CAPN7: variants seen among roughly 807,000 people sequenced by gnomAD.
CAPN7 encodes the protein calpain-7.
In CAPN7, 72 loss-of-function variants were observed where a neutral mutation model predicts 115.2. The observed-to-expected ratio is 0.63, with a 90% CI of 0.52 to 0.76. CAPN7 has a LOEUF of 0.76. Ranked by LOEUF, CAPN7 falls within the 30% of genes least tolerant of loss-of-function variation. CAPN7 has a pLI of 0.00. For missense variants in CAPN7, 905 were observed against 971.5 expected, an observed-to-expected ratio of 0.93 and a Z score of 0.91; for synonymous variants, 344 against 322.3, an observed-to-expected ratio of 1.07 and a Z score of -0.72.
At chr3:15,220,056 C>T (rs113347980) in intron 4 of CAPN7, among the ~76,000 whole-genome samples, 7,409 of 152,118 alleles carry the variant, frequency 0.049, 621 homozygotes, top group African/African-American at 0.17. Flanking sequence ...CAAAAATTAG[C>T]CAGGCGTGGT....
intron 15 of CAPN7, 79 bp downstream of exon 15, chr3:15,241,667 C>A: frequency 8.2e-7 from 1 of 1,221,546 alleles, no homozygotes; most frequent in Non-Finnish European, 1.1e-6. Context: ...CATACGTAAA[C>A]ACCAGCCTGT....
intron 3 of CAPN7, among the ~76,000 whole-genome samples, chr3:15,218,226 A>G (rs964612770): frequency 6.6e-5 from 10 of 152,178 alleles, no homozygotes; most frequent in Admixed American, 1.3e-4. Flanking sequence ...GTTCCACAGC[A>G]CTATGGTCAA....
chr3:15,235,302 A>G (rs914949516), intron 12 of CAPN7, among the ~76,000 whole-genome samples, 157 bp downstream of exon 12: 1 of 152,228 alleles, frequency 6.6e-6, no homozygotes, highest in African/African-American at 2.4e-5. Flanking sequence ...ACCGTTGAAA[A>G]TTATGAAATT....
rs996457752 is a variant in CAPN7, at chr3:15,218,038, A to G, written c.370-435A>G. Among the ~76,000 whole-genome samples the G allele has an allele frequency of 4.6e-5, 7 of 152,208 alleles. 1 individual carries two copies. The highest frequency in any genetic ancestry group is 1.7e-4 in the African/African-American group (7 of 41,454). ...CTTAGCTTCAAGGGACATCTAGTGC[A>G]TAAGAGAGCAGTGTATTTGACAGGA... On this transcript the variant is annotated intron_variant, in intron 3 of 20. Transcript: ENST00000253693.
At chr3:15,226,364 G>A (rs144215124) in intron 6 of CAPN7, among the ~76,000 whole-genome samples, 7 of 152,266 alleles carry the variant, frequency 4.6e-5, no homozygotes, top group African/African-American at 1.7e-4. Context: ...ATGAGCCACC[G>A]CGCCTGGCTG....
At chr3:15,220,712 T>C in intron 4 of CAPN7, 69 bp from the exon 5 acceptor site, 1 of 1,423,310 alleles carries the variant, frequency 7.0e-7, no homozygotes, top group Non-Finnish European at 9.8e-7. Flanking sequence ...TTCAAGTAAA[T>C]TTTGTTTCCT....
intron 1 of CAPN7, among the ~76,000 whole-genome samples, chr3:15,209,524 A>G: frequency 6.6e-6 from 1 of 152,220 alleles, no homozygotes; most frequent in East Asian, 1.9e-4. Flanking sequence ...CTATTTTGAA[A>G]TGTACAATCA....
At chr3:15,218,603 T>G in intron 4 of CAPN7, 63 bp downstream of exon 4, 1 of 1,155,972 alleles carries the variant, frequency 8.7e-7, no homozygotes, top group South Asian at 1.3e-5. Flanking sequence ...AACAAATTTA[T>G]CTAAATGTGT....
rs554035663 is a variant in CAPN7 at position 15,252,742 on chromosome 3, T to C, written c.*1482T>C. On this transcript the variant is annotated 3_prime_UTR_variant, in exon 21 of 21. Coordinates refer to ENST00000253693, the MANE Select transcript of CAPN7 (RefSeq NM_014296.3). ...CACCAGTGTATGAATAAGGGAAAGA[T>C]TAATTTTGGCTGGACCAATATAAAA... The C allele has an allele frequency of 6.6e-5, 10 of 151,992 alleles. No individual in the cohort carries two copies. In the South Asian group the frequency reaches 1.9e-3, roughly 28 times the overall value. 9.4% of individuals were successfully genotyped at this position (151,992 alleles called of 1,614,324 possible).
Position 15,251,111 on chromosome 3 carries a change from T to C in CAPN7, c.2298-5T>C, listed in dbSNP as rs770514573. 1 of 1,604,416 alleles carries C rather than the reference T, an allele frequency of 6.2e-7. No individual in the cohort carries two copies. Among genetic ancestry groups the C allele is most frequent in the Non-Finnish European group, 8.5e-7 (1 of 1,175,012 alleles). On this transcript the variant is annotated splice_polypyrimidine_tract_variant and splice_region_variant and intron_variant, in intron 20 of 20. Transcript: ENST00000253693. ...AAACCTTATTCTCATTTTCTCTAAA[T>C]ATAGGTGTGGGTTTTGCTACCTGGA...
intron 4 of CAPN7, among the ~76,000 whole-genome samples, chr3:15,219,493 A>G (rs1490773714): frequency 2.0e-5 from 3 of 152,180 alleles, no homozygotes; most frequent in Non-Finnish European, 4.4e-5. Context: ...AGTCCTTGAC[A>G]TACAGTTGTC....
intron 6 of CAPN7, among the ~76,000 whole-genome samples, chr3:15,225,397 AAT>A (rs1311902651): frequency 6.6e-6 from 1 of 152,210 alleles, no homozygotes; most frequent in African/African-American, 2.4e-5. Context: ...ACAATATTCA[AAT>A]AGAGATGTAA....
intron 2 of CAPN7, among the ~76,000 whole-genome samples, chr3:15,213,968 C>T (rs905141396): frequency 2.6e-5 from 4 of 151,734 alleles, no homozygotes; most frequent in African/African-American, 9.7e-5. Context: ...CCAAGTTCCG[C>T]CTCCGGGGTT....
rs370234590 is a variant in CAPN7, at chr3:15,206,546, G to A, written c.51G>A (p.Ala17=). 1.5e-4 allele frequency: 227 copies of A among 1,556,492 alleles called. No individual in the cohort carries two copies. Among genetic ancestry groups the A allele is most frequent in the Non-Finnish European group, 1.9e-4 (220 of 1,150,474 alleles). ...ERDAVQFARL[A]VQRDHEGRYS... is the part of the protein sequence containing the mutation. ...ACGCTGTGCAGTTCGCCCGTCTGGC[G>A]GTTCAGCGCGACCACGAAGGCCGCT... Residue 17 remains alanine (A), a synonymous_variant, in exon 1 of 21, where the codon GCG becomes GCA. Transcript: ENST00000253693.
chr3:15,220,777 A>T lies in CAPN7; in HGVS notation c.438-4A>T. On this transcript the variant is annotated splice_region_variant and splice_polypyrimidine_tract_variant and intron_variant, in intron 4 of 20. Coordinates refer to ENST00000253693, the MANE Select transcript of CAPN7 (RefSeq NM_014296.3). ...GAACAGTTGTTTGTTCCTCTCTGTT[A>T]TAGAGCAGAAGCGCTGAGTGAGCCT... 1 of 1,613,968 alleles carries T rather than the reference A, an allele frequency of 6.2e-7. No homozygotes were observed.
At chr3:15,236,714 C>T (rs1695013054) in intron 12 of CAPN7, among the ~76,000 whole-genome samples, 2 of 152,194 alleles carry the variant, frequency 1.3e-5, no homozygotes, top group East Asian at 1.9e-4. Flanking sequence ...ACCTGTACAG[C>T]ATGTTATTGT....
At chr3:15,237,648 A>C (rs961752568) in intron 12 of CAPN7, among the ~76,000 whole-genome samples, 3 of 152,168 alleles carry the variant, frequency 2.0e-5, no homozygotes, top group African/African-American at 4.8e-5. Flanking sequence ...GTTTTTTAAA[A>C]TTATAATTTG....
chr3:15,247,249 T>TTTA, intron 18 of CAPN7, 78 bp from the exon 19 acceptor site: 1 of 1,032,918 alleles, frequency 9.7e-7, no homozygotes, highest in Non-Finnish European at 1.3e-6. Context: ...TTTTTTTTTT[T>TTTA]GAGATGGAAA....
At chr3:15,224,907 AG>A (rs1694224850) in intron 6 of CAPN7, among the ~76,000 whole-genome samples, 2 of 152,210 alleles carry the variant, frequency 1.3e-5, no homozygotes, top group Admixed American at 1.3e-4. Flanking sequence ...GTGTGATGCT[AG>A]TAACTGATTG....
Sources: gnomAD v4.1 joint callset for allele counts (sites outside exome capture counted in the v4.1 genomes callset) on GRCh38, gnomAD v4.1.1 for gene constraint, MANE v1.5 for transcripts, NCBI Gene and HGNC (gene_info 2026-07-23, HGNC 2026-07-21) for gene names.